GABRG3: variants seen among roughly 807,000 people sequenced by gnomAD.
The protein encoded by GABRG3 is gamma-aminobutyric acid receptor subunit gamma-3.
GABRG3 carries 25 observed loss-of-function variants against 48.8 expected under a neutral mutation model. The ratio of observed to expected loss-of-function variants is 0.51; its 90% confidence interval spans 0.37 to 0.72. The LOEUF (loss-of-function observed/expected upper bound fraction) is 0.72, where lower values mean the gene tolerates loss of function less well. GABRG3 is among the 30% of genes least tolerant of loss of function. The pLI, the probability that GABRG3 is intolerant of heterozygous loss-of-function variation, is 0.00. For missense variants in GABRG3, 394 were observed against 577.9 expected (o/e 0.68, Z 3.26); for synonymous variants, 227 against 217.6 (o/e 1.04, Z -0.38).
At chr15:27,084,475 G>T (rs528891637) in intron 3 of GABRG3, among the ~76,000 whole-genome samples, 3 of 152,150 alleles carry the variant, frequency 2.0e-5, no homozygotes, top group Non-Finnish European at 4.4e-5. Context: ...TTAACCCAAG[G>T]TTCTTTTGTA....
At chr15:27,036,345 T>G (rs1324929661) in intron 3 of GABRG3, among the ~76,000 whole-genome samples, 1 of 152,126 alleles carries the variant, frequency 6.6e-6, no homozygotes, top group African/African-American at 2.4e-5. Context: ...TGTTCTGGGC[T>G]CTGGAAGAAG....
At chr15:27,392,763 C>G (rs1031563509) in intron 5 of GABRG3, among the ~76,000 whole-genome samples, 3 of 152,184 alleles carry the variant, frequency 2.0e-5, no homozygotes, top group Admixed American at 2.0e-4. Context: ...TCATTTGCTT[C>G]TATCAGTAGA....
chr15:27,304,766 T>G (rs1257911513), intron 3 of GABRG3, among the ~76,000 whole-genome samples: 1 of 152,000 alleles, frequency 6.6e-6, no homozygotes, highest in Non-Finnish European at 1.5e-5. Flanking sequence ...ATATCCAAAG[T>G]ACTATTTGCC....
At chr15:27,478,161 C>G (rs1384971479) in intron 5 of GABRG3, among the ~76,000 whole-genome samples, 1 of 152,056 alleles carries the variant, frequency 6.6e-6, no homozygotes, top group Non-Finnish European at 1.5e-5. Flanking sequence ...AAATGATACA[C>G]TTTACATTAT....
chr15:27,256,557 C>T (rs1224548820), intron 3 of GABRG3, among the ~76,000 whole-genome samples: 3 of 151,898 alleles, frequency 2.0e-5, no homozygotes, highest in African/African-American at 4.8e-5. Flanking sequence ...TCAGACATTT[C>T]GGGGTGCCAG....
At chr15:27,252,827 A>C (rs934500180) in intron 3 of GABRG3, among the ~76,000 whole-genome samples, 1 of 152,200 alleles carries the variant, frequency 6.6e-6, no homozygotes, top group Admixed American at 6.5e-5. Flanking sequence ...GTTATAAATA[A>C]TTGCACAGCA....
At chr15:27,013,924 A>G (rs1472480249) in intron 2 of GABRG3, among the ~76,000 whole-genome samples, 3 of 152,132 alleles carry the variant, frequency 2.0e-5, no homozygotes, top group African/African-American at 7.2e-5. Flanking sequence ...TTGGAATTAT[A>G]TAGAATCTGT....
intron 3 of GABRG3, among the ~76,000 whole-genome samples, chr15:27,321,336 C>A (rs1271410962): frequency 6.6e-6 from 1 of 152,172 alleles, no homozygotes. Flanking sequence ...GAATGCTCAA[C>A]CAGGCGGCCA....
chr15:27,112,470 C>G (rs2140371358), intron 3 of GABRG3, among the ~76,000 whole-genome samples: 1 of 141,852 alleles, frequency 7.0e-6, no homozygotes, highest in African/African-American at 2.7e-5. Flanking sequence ...TATGGGGTCT[C>G]ACTGTGTTGC....
In GABRG3 at chr15:27,252,525, A is replaced by AG. The variant is rs915974341; in HGVS notation, c.271-74280dup. Among the ~76,000 whole-genome samples, 6 of 152,218 alleles carry AG rather than the reference A, an allele frequency of 3.9e-5. No individual in the cohort carries two copies. In the East Asian group the frequency reaches 1.2e-3, roughly 29 times the overall value. On this transcript the variant is annotated intron_variant, in intron 3 of 9. Coordinates refer to ENST00000615808, the MANE Select transcript of GABRG3 (RefSeq NM_033223.5). ...ATGATGCATCCGCCCCACCCCAGCC[A>AG]GGGGATACTAGCGCCGTCTGTTAAA...
chr15:27,029,921 C>G (rs939849005), intron 3 of GABRG3, among the ~76,000 whole-genome samples: 6 of 152,088 alleles, frequency 3.9e-5, no homozygotes, highest in Non-Finnish European at 7.3e-5. Flanking sequence ...CTCACATTGC[C>G]GAGTGCATCA....
intron 3 of GABRG3, among the ~76,000 whole-genome samples, chr15:27,233,678 G>A (rs2140449128): frequency 6.6e-6 from 1 of 152,242 alleles, no homozygotes; most frequent in Non-Finnish European, 1.5e-5. Flanking sequence ...CGAATTTTGG[G>A]AGGACACGAA....
intron 3 of GABRG3, among the ~76,000 whole-genome samples, chr15:27,195,635 T>G (rs1275467996): frequency 6.6e-6 from 1 of 151,848 alleles, no homozygotes; most frequent in African/African-American, 2.4e-5. Context: ...TTTGTTTGTT[T>G]GTTTTGTTTT....
At chr15:27,201,781 T>C (rs1165353178) in intron 3 of GABRG3, among the ~76,000 whole-genome samples, 1 of 152,168 alleles carries the variant, frequency 6.6e-6, no homozygotes, top group Non-Finnish European at 1.5e-5. Flanking sequence ...TAATTGTAGA[T>C]ATAAAAGTAA....
intron 3 of GABRG3, among the ~76,000 whole-genome samples, chr15:27,204,333 G>A (rs1196749543): frequency 6.6e-6 from 1 of 152,074 alleles, no homozygotes; most frequent in African/African-American, 2.4e-5. Context: ...GTTATTGTCA[G>A]CTTTGTTGAA....
chr15:27,389,485 G>A (rs1201738578), intron 5 of GABRG3, among the ~76,000 whole-genome samples: 2 of 152,198 alleles, frequency 1.3e-5, no homozygotes, highest in Admixed American at 1.3e-4. Context: ...TATCTGCGGT[G>A]AAATGGGTTA....
chr15:27,240,178 C>T (rs1255474267), intron 3 of GABRG3, among the ~76,000 whole-genome samples: 1 of 152,150 alleles, frequency 6.6e-6, no homozygotes, highest in African/African-American at 2.4e-5. Flanking sequence ...GAGGCCCCCT[C>T]AATGTTGTTA....
At chr15:27,234,185 G>A (rs998441577) in intron 3 of GABRG3, among the ~76,000 whole-genome samples, 51 of 152,280 alleles carry the variant, frequency 3.3e-4, no homozygotes, top group African/African-American at 1.2e-3. Flanking sequence ...GTCTAGTTCT[G>A]TGACATTTGG....
At chr15:27,404,395 A>T (rs1174810139) in intron 5 of GABRG3, among the ~76,000 whole-genome samples, 1 of 152,128 alleles carries the variant, frequency 6.6e-6, no homozygotes, top group Non-Finnish European at 1.5e-5. Flanking sequence ...GTGCTGTCTC[A>T]CTGGGCTCCC....
Sources: gnomAD v4.1 joint callset for allele counts (sites outside exome capture counted in the v4.1 genomes callset) on GRCh38, gnomAD v4.1.1 for gene constraint, MANE v1.5 for transcripts, NCBI Gene and HGNC (gene_info 2026-07-23, HGNC 2026-07-21) for gene names.